The following SPTAN1 variants were observed in gnomAD, a reference collection of about 807,000 sequenced individuals.
The protein encoded by SPTAN1 is spectrin alpha chain, non-erythrocytic 1.
In SPTAN1, 61 loss-of-function variants were observed where a neutral mutation model predicts 331.3. The ratio of observed to expected loss-of-function variants is 0.18; its 90% CI spans 0.15 to 0.23. The LOEUF is 0.23. SPTAN1 is among the 10% of genes least tolerant of loss of function. The pLI, the probability that SPTAN1 is intolerant of heterozygous loss-of-function variation, is 1.00. For synonymous variants in SPTAN1, 1,153 were observed against 1,173.9 expected, an observed-to-expected ratio of 0.98 and a Z score of 0.36; for missense variants, 2,043 against 3,147.9, an observed-to-expected ratio of 0.65 and a Z score of 8.40.
At chr9:128,555,455 G>A in intron 1 of SPTAN1, 1 of 1,255,404 alleles carries the variant, frequency 8.0e-7, no homozygotes, top group Non-Finnish European at 1.0e-6. Flanking sequence ...CTGGCTTGCA[G>A]TGAAGGCATA....
chr9:128,607,761 G>T, intron 32 of SPTAN1, 58 bp downstream of exon 32: 1 of 1,610,972 alleles, frequency 6.2e-7, no homozygotes, highest in Non-Finnish European at 8.5e-7. Flanking sequence ...GGCCCTAGAG[G>T]CCTCATTCCC....
At chr9:128,597,806 G>C (rs145905190) in intron 24 of SPTAN1, among the ~76,000 whole-genome samples, 1 of 148,354 alleles carries the variant, frequency 6.7e-6, no homozygotes, top group African/African-American at 2.5e-5. Flanking sequence ...GCCTGCCACC[G>C]CGCCTAGCTA....
At chr9:128,557,665 T>C (rs1254092315) in intron 1 of SPTAN1, among the ~76,000 whole-genome samples, 1 of 152,034 alleles carries the variant, frequency 6.6e-6, no homozygotes, top group African/African-American at 2.4e-5. Flanking sequence ...TTGGCGTTCA[T>C]CAATAAGACA....
In SPTAN1 at chr9:128,633,576, C is replaced by T. The variant is rs1589424904; in HGVS notation, c.*242C>T. ...TCATTCCGACTTCAGAAAATCGAAG[C>T]AGCTGGCTCCTCCCCTTGTTCTCTC... On this transcript the variant is annotated 3_prime_UTR_variant, in exon 57 of 57. Transcript: ENST00000372739. The T allele has an allele frequency of 9.3e-7, 1 of 1,070,608 alleles. No homozygotes were observed. Among genetic ancestry groups the T allele is most frequent in the East Asian group, 2.4e-5 (1 of 42,146 alleles). 66.3% of individuals were successfully genotyped at this position (1,070,608 alleles called of 1,614,324 possible).
Position 128,633,369 on chromosome 9 carries a change from CCCTGCGTCGCCTTGCTGCATGT to C in SPTAN1, c.*38_*59del, listed in dbSNP as rs1860149521. On this transcript the variant is annotated 3_prime_UTR_variant, in exon 57 of 57. Transcript: ENST00000372739. ...TGGGTCACCCACCCCTCGCTGCTTG[CCCTGCGTCGCCTTGCTGCATGT>C]CCGCTCCTCTGTGTGCTCTCACTTT... 1.2e-6 allele frequency: 2 copies of C among 1,613,102 alleles called. No homozygotes were observed. Among genetic ancestry groups the C allele is most frequent in the Non-Finnish European group, 1.7e-6 (2 of 1,180,008 alleles).
chr9:128,563,032 A>G (rs1435057701), intron 1 of SPTAN1, among the ~76,000 whole-genome samples: 3 of 145,156 alleles, frequency 2.1e-5, no homozygotes, highest in Non-Finnish European at 4.5e-5. Context: ...ATATATGTAT[A>G]TATTTTATTA....
intron 3 of SPTAN1, among the ~76,000 whole-genome samples, chr9:128,570,942 T>C (rs1205956028): frequency 2.6e-5 from 4 of 152,152 alleles, no homozygotes; most frequent in Non-Finnish European, 5.9e-5. Context: ...ATTACAGGCA[T>C]GAGCCGCCGC....
chr9:128,555,736 T>C (rs549627187), intron 1 of SPTAN1, among the ~76,000 whole-genome samples: 5 of 152,054 alleles, frequency 3.3e-5, no homozygotes, highest in African/African-American at 1.2e-4. Flanking sequence ...TTTTTATTGG[T>C]GGCTACTTGG....
At chr9:128,553,055 G>C (rs1848306719) in intron 1 of SPTAN1, 1 of 152,392 alleles carries the variant, frequency 6.6e-6, no homozygotes, top group Admixed American at 6.5e-5. Context: ...CCCTCGTCGG[G>C]ATCTTCGCCA....
In SPTAN1 at chr9:128,633,490, G is replaced by T. The variant is rs1803171; in HGVS notation, c.*156G>T. On this transcript the variant is annotated 3_prime_UTR_variant, in exon 57 of 57. Transcript: ENST00000372739. The stretch of plus-strand genomic sequence containing the variant: ...ATGGTGCTTCACTAACCCGCTTCCG[G>T]TCCAGTCACAATCATCATGTCACTG... The T allele has an allele frequency of 1.5e-6, 2 of 1,299,662 alleles. No homozygotes were observed. The highest frequency in any genetic ancestry group is 2.5e-5 in the South Asian group (2 of 81,616). The allele number at this position is 1,299,662 out of a possible 1,614,324, so 80.5% of individuals were successfully genotyped here. A position where few individuals can be genotyped will look rare whatever the true frequency, so the allele number is the denominator to read the frequency against.
intron 24 of SPTAN1, among the ~76,000 whole-genome samples, chr9:128,597,775 C>A (rs536837745): frequency 1.6e-4 from 25 of 152,120 alleles, no homozygotes; most frequent in Non-Finnish European, 3.2e-4. Context: ...CTCAACCTCC[C>A]GAACAGCTGG....
Position 128,625,876 on chromosome 9 carries a change from C to G in SPTAN1, c.6177C>G (p.Ile2059Met). ...LAAKHVQSKA[I>M]EARHASLMKR... ...CCAAACACGTTCAGTCCAAGGCCAT[C>G]GAGGCCCGGCACGCCTCCCTCATGA... Residue 2059 changes from isoleucine (I) to methionine (M), a missense_variant, in exon 48 of 57, where the codon ATC (isoleucine) becomes ATG (methionine). Coordinates refer to ENST00000372739, the MANE Select transcript of SPTAN1 (RefSeq NM_001130438.3). This position sits in a 1 kb window ranked among gnomAD's most constrained non-coding sequence, Gnocchi z 4.1. 6.2e-7 allele frequency: 1 copy of G among 1,614,186 alleles called. No individual in the cohort carries two copies. Among genetic ancestry groups the G allele is most frequent in the South Asian group, 1.1e-5 (1 of 91,082 alleles).
intron 24 of SPTAN1, among the ~76,000 whole-genome samples, chr9:128,594,608 T>C (rs183699823): frequency 1.4e-3 from 212 of 151,798 alleles, no homozygotes; most frequent in Admixed American, 2.2e-3. Flanking sequence ...TTTTTGTATT[T>C]TTTGGTAGAG....
chr9:128,591,424 T>C, intron 21 of SPTAN1, 53 bp from the exon 22 acceptor site: 3 of 1,612,164 alleles, frequency 1.9e-6, no homozygotes, highest in Non-Finnish European at 2.5e-6. Flanking sequence ...CCTCCTTGGA[T>C]TCTCCCTCTC....
At position 128,633,373 on chromosome 9, in the gene SPTAN1, G is replaced by T; in HGVS notation, c.*39G>T. On this transcript the variant is annotated 3_prime_UTR_variant, in exon 57 of 57. Transcript: ENST00000372739. The stretch of plus-strand genomic sequence containing the variant: ...TCACCCACCCCTCGCTGCTTGCCCT[G>T]CGTCGCCTTGCTGCATGTCCGCTCC... 6.2e-7 allele frequency: 1 copy of T among 1,612,948 alleles called. No homozygotes were observed. The highest frequency in any genetic ancestry group is 8.5e-7 in the Non-Finnish European group (1 of 1,180,018).
rs747796809 is a variant in SPTAN1, at chr9:128,608,919, G to A, written c.4537G>A (p.Ala1513Thr). Residue 1513 changes from alanine to threonine, a missense_variant, in exon 35 of 57, where the codon GCT becomes ACT. Transcript: ENST00000372739. ...GCAGGCCTTTGCCGACCAGCTCATC[G>A]CTGCCGGCCATTATGCCAAGGGAGA... ...ALQAFADQLI[A>T]AGHYAKGDIS... is the part of the protein sequence containing the mutation. The A allele has an allele frequency of 8.1e-6, 13 of 1,614,056 alleles. No individual in the cohort carries two copies. Among genetic ancestry groups the A allele is most frequent in the Middle Eastern group, 1.6e-4 (1 of 6,084 alleles).
chr9:128,599,965 T>C (rs1854877288), intron 26 of SPTAN1, 115 bp from the exon 27 acceptor site: 2 of 1,047,942 alleles, frequency 1.9e-6, no homozygotes, highest in Middle Eastern at 2.0e-4. Context: ...TTTTGGTTAA[T>C]GTATTAGTAT....
In SPTAN1 at chr9:128,602,212, G is replaced by GT. The variant is rs995277746; in HGVS notation, c.3580-1323dup. On this transcript the variant is annotated intron_variant, in intron 27 of 56. Coordinates refer to ENST00000372739, the MANE Select transcript of SPTAN1 (RefSeq NM_001130438.3). Reference sequence around the variant, plus strand: ...CTGTTTTTTTTTTTGTTTTTTTTGGGTTTTTTTTGTTTTTTTTTTTTTGAG... The same window carrying GT: ...CTGTTTTTTTTTTTGTTTTTTTTGGGTTTTTTTTTGTTTTTTTTTTTTTGAG... 8.2e-4 allele frequency among the ~76,000 whole-genome samples: 120 copies of GT among 145,756 alleles called. 1 individual carries two copies. The highest frequency in any genetic ancestry group is 2.6e-3 in the Admixed American group (38 of 14,612).
At chr9:128,605,551 A>C in intron 31 of SPTAN1, 74 bp downstream of exon 31, 1 of 1,570,940 alleles carries the variant, frequency 6.4e-7, no homozygotes, top group Non-Finnish European at 8.7e-7. Context: ...TTGTGAAAAT[A>C]GTACATGCTC....
Sources: allele counts gnomAD v4.1 joint callset (sites outside exome capture counted in the v4.1 genomes callset), GRCh38; gene constraint gnomAD v4.1.1; non-coding constraint Gnocchi (gnomAD v3.1); transcripts MANE v1.5; gene names NCBI Gene and HGNC (gene_info 2026-07-23, HGNC 2026-07-21).